RAB3C: variants seen among roughly 807,000 people sequenced by gnomAD.
RAB3C encodes RAB3C, member RAS oncogene family, also known as ras-related protein Rab-3C.
RAB3C carries 17 observed loss-of-function variants against 26.4 expected under a neutral mutation model. The ratio of observed to expected loss-of-function variants is 0.64; its 90% CI spans 0.44 to 0.97. The LOEUF is 0.97. Among genes scored for constraint, RAB3C ranks in the 50% least tolerant of loss-of-function variants. RAB3C has a pLI of 0.00. For missense variants in RAB3C, 242 were observed against 281.9 expected (o/e 0.86, Z 1.01); for synonymous variants, 91 against 95.9 (o/e 0.95, Z 0.30).
chr5:58,854,745 T>C lies in RAB3C; in HGVS notation c.*3394T>C, dbSNP rs1744221577. 1 of 152,158 alleles carries C rather than the reference T, an allele frequency of 6.6e-6. No individual in the cohort carries two copies. Among genetic ancestry groups the C allele is most frequent in the East Asian group, 1.9e-4 (1 of 5,196 alleles). The allele number at this position is 152,158 out of a possible 1,614,324, so 9.4% of individuals were successfully genotyped here. On this transcript the variant is annotated 3_prime_UTR_variant, in exon 5 of 5. Transcript: ENST00000282878. ...TTACTTGGAAAGAAAACTATGACAA[T>C]GCCTTCAGTTGTAGCAGAAAGTTGT...
At position 58,855,986 on chromosome 5, in the gene RAB3C, T is replaced by C. The variant is rs373670749; in HGVS notation, c.*4635T>C. 6.6e-6 allele frequency: 1 copy of C among 152,208 alleles called. No individual in the cohort carries two copies. Among genetic ancestry groups the C allele is most frequent in the African/African-American group, 2.4e-5 (1 of 41,450 alleles). 9.4% of individuals were successfully genotyped at this position (152,208 alleles called of 1,614,324 possible). A position where few individuals can be genotyped will look rare whatever the true frequency, so the allele number is the denominator to read the frequency against. On this transcript the variant is annotated 3_prime_UTR_variant, in exon 5 of 5. Coordinates refer to ENST00000282878, the MANE Select transcript of RAB3C (RefSeq NM_138453.4). ...CCGGTCAAATAATATTTCCCTTTGA[T>C]AGATTGAAATATTTGCTTTTAGATT...
chr5:58,661,680 T>G (rs1207864929), intron 2 of RAB3C, among the ~76,000 whole-genome samples: 2 of 147,228 alleles, frequency 1.4e-5, no homozygotes, highest in South Asian at 2.1e-4. Context: ...CACTGCAAGA[T>G]AGGTCTTAAA....
chr5:58,707,580 C>T lies in RAB3C; in HGVS notation c.253-18422C>T, dbSNP rs111936889. On this transcript the variant is annotated intron_variant, in intron 2 of 4. Transcript: ENST00000282878. Reference sequence around the variant, plus strand: ...ATCACACAGCCAGTAAGGAGTGGAGCCAGAATGTGAACACAGGTCATCCAG... The same window carrying T: ...ATCACACAGCCAGTAAGGAGTGGAGTCAGAATGTGAACACAGGTCATCCAG... Among the ~76,000 whole-genome samples the T allele has an allele frequency of 3.9e-3, 598 of 152,162 alleles. 1 individual carries two copies. Among genetic ancestry groups the T allele is most frequent in the African/African-American group, 0.012 (501 of 41,502 alleles).
intron 1 of RAB3C, among the ~76,000 whole-genome samples, chr5:58,616,533 T>C (rs1746828694): frequency 6.6e-6 from 1 of 152,152 alleles, no homozygotes; most frequent in Admixed American, 6.5e-5. Flanking sequence ...GTTAAGATGA[T>C]CATCAAAAAA....
At chr5:58,827,545 T>C (rs932496303) in intron 4 of RAB3C, among the ~76,000 whole-genome samples, 38 of 151,988 alleles carry the variant, frequency 2.5e-4, no homozygotes, top group African/African-American at 9.2e-4. Flanking sequence ...TAGGGTGACT[T>C]TCCCACTGCT....
intron 2 of RAB3C, among the ~76,000 whole-genome samples, chr5:58,712,809 G>A (rs1251425392): frequency 1.3e-5 from 2 of 152,190 alleles, no homozygotes. Flanking sequence ...ATAGGCATAA[G>A]CCACCATGCC....
chr5:58,654,725 TG>T (rs1222314903), intron 2 of RAB3C, among the ~76,000 whole-genome samples: 3 of 152,152 alleles, frequency 2.0e-5, no homozygotes, highest in Non-Finnish European at 4.4e-5. Context: ...ATCCCAAAAT[TG>T]CATTTGAAAA....
At chr5:58,797,231 TA>T (rs1434702985) in intron 3 of RAB3C, among the ~76,000 whole-genome samples, 1 of 150,910 alleles carries the variant, frequency 6.6e-6, no homozygotes, top group East Asian at 2.0e-4. Context: ...TTTGGATACA[TA>T]AATATCCTCT....
chr5:58,681,605 G>A (rs899530070), intron 2 of RAB3C, among the ~76,000 whole-genome samples: 1 of 152,180 alleles, frequency 6.6e-6, no homozygotes, highest in Non-Finnish European at 1.5e-5. Context: ...CAAATCTTTA[G>A]TATGAACTGC....
At position 58,825,118 on chromosome 5, in the gene RAB3C, G is replaced by A. The variant is rs754858843; in HGVS notation, c.452G>A (p.Arg151Gln). The A allele has an allele frequency of 4.3e-6, 7 of 1,613,028 alleles. No homozygotes were observed. In the Admixed American group the frequency reaches 6.7e-5, roughly 15 times the overall value. Residue 151 changes from arginine to glutamine, a missense_variant, in exon 4 of 5, where the codon CGG becomes CAG. By Grantham distance (43) the Arg-to-Gln change is conservative. Coordinates refer to ENST00000282878, the MANE Select transcript of RAB3C (RefSeq NM_138453.4). ...VGNKCDMEDERVISTERGQHL... is the reference protein window; with the variant it reads ...VGNKCDMEDEQVISTERGQHL... Reference sequence around the variant, plus strand: ...AACAAGTGTGACATGGAAGACGAGCGGGTCATCTCAACTGAGCGAGGTCAA... The same window carrying A: ...AACAAGTGTGACATGGAAGACGAGCAGGTCATCTCAACTGAGCGAGGTCAA...
intron 3 of RAB3C, among the ~76,000 whole-genome samples, chr5:58,788,758 T>C (rs77890995): frequency 1.4e-3 from 220 of 152,330 alleles, no homozygotes; most frequent in Non-Finnish European, 2.9e-3. Flanking sequence ...ATCACAATTT[T>C]ATTGAAAGGT....
chr5:58,629,307 G>C (rs1747138937), intron 2 of RAB3C, among the ~76,000 whole-genome samples: 1 of 152,116 alleles, frequency 6.6e-6, no homozygotes, highest in Non-Finnish European at 1.5e-5. Context: ...CCTGGGCTAT[G>C]TATAGCTGGA....
At chr5:58,777,104 G>A (rs1742160497) in intron 3 of RAB3C, among the ~76,000 whole-genome samples, 1 of 152,126 alleles carries the variant, frequency 6.6e-6, no homozygotes, top group Non-Finnish European at 1.5e-5. Flanking sequence ...GGTCTTAGTA[G>A]TTCTACCTCA....
At chr5:58,585,826 T>A (rs1438868935) in intron 1 of RAB3C, among the ~76,000 whole-genome samples, 1 of 152,108 alleles carries the variant, frequency 6.6e-6, no homozygotes, top group Non-Finnish European at 1.5e-5. Context: ...ACAGTGATAA[T>A]CTCTGACATC....
chr5:58,594,485 C>T (rs1015759519), intron 1 of RAB3C, among the ~76,000 whole-genome samples: 2 of 152,142 alleles, frequency 1.3e-5, no homozygotes, highest in African/African-American at 4.8e-5. Flanking sequence ...GAATGGAAAG[C>T]AGGGATGATT....
intron 4 of RAB3C, among the ~76,000 whole-genome samples, chr5:58,842,734 T>G (rs1743901421): frequency 6.6e-6 from 1 of 152,216 alleles, no homozygotes; most frequent in Admixed American, 6.5e-5. Flanking sequence ...AAGGGATGAT[T>G]TAATTACGAC....
chr5:58,784,095 T>C (rs1363255194), intron 3 of RAB3C, among the ~76,000 whole-genome samples: 1 of 152,132 alleles, frequency 6.6e-6, no homozygotes, highest in Non-Finnish European at 1.5e-5. Flanking sequence ...ATATTCTTGA[T>C]TGGTTGAAGG....
intron 2 of RAB3C, among the ~76,000 whole-genome samples, chr5:58,624,897 A>C (rs576516679): frequency 2.0e-5 from 3 of 151,916 alleles, no homozygotes; most frequent in East Asian, 3.9e-4. Flanking sequence ...AACAAAAAAA[A>C]CCCCCAATCT....
intron 1 of RAB3C, among the ~76,000 whole-genome samples, chr5:58,585,154 T>A (rs980742463): frequency 5.3e-5 from 8 of 152,038 alleles, no homozygotes; most frequent in Non-Finnish European, 1.2e-4. Context: ...AAGACTTTTT[T>A]AGCATATTTA....
Sources: allele counts gnomAD v4.1 joint callset (sites outside exome capture counted in the v4.1 genomes callset), GRCh38; gene constraint gnomAD v4.1.1; transcripts MANE v1.5; gene names NCBI Gene and HGNC (gene_info 2026-07-23, HGNC 2026-07-21).